The following PER2 variants were observed in gnomAD, a reference collection of about 807,000 sequenced individuals.
PER2 encodes the protein period circadian protein homolog 2.
In PER2, 66 loss-of-function variants were observed where a neutral mutation model predicts 121.0. The observed-to-expected ratio is 0.55, with a 90% CI of 0.45 to 0.67. The LOEUF is 0.67. PER2 is among the 30% of genes least tolerant of loss of function. The pLI is 0.00. For synonymous variants in PER2, 684 were observed against 659.9 expected, an observed-to-expected ratio of 1.04 and a Z score of -0.56; for missense variants, 1,521 against 1,635.0, an observed-to-expected ratio of 0.93 and a Z score of 1.20.
At chr2:238,261,036 C>T (rs935858048) in intron 12 of PER2, 83 bp from the exon 13 acceptor site, 18 of 1,534,574 alleles carry the variant, frequency 1.2e-5, no homozygotes, top group African/African-American at 1.1e-4. Context: ...CACCCTGTTT[C>T]GCAGAGAGGA....
At chr2:238,286,774 T>G (rs1038731784) in intron 1 of PER2, among the ~76,000 whole-genome samples, 3 of 152,204 alleles carry the variant, frequency 2.0e-5, no homozygotes, top group African/African-American at 7.2e-5. Flanking sequence ...CGAGTCCTGG[T>G]GAAGTTACAT....
At chr2:238,249,363 C>T (rs891631272) in intron 21 of PER2, 151 bp from the exon 22 acceptor site, 1 of 720,174 alleles carries the variant, frequency 1.4e-6, no homozygotes, top group Non-Finnish European at 2.3e-6. Context: ...CTTAATCTCC[C>T]TAGTAAAGAA....
Position 238,255,681 on chromosome 2 carries a change from A to G in PER2, c.2296T>C (p.Ser766Pro). 1 of 1,614,260 alleles carries G rather than the reference A, an allele frequency of 6.2e-7. No homozygotes were observed. The highest frequency in any genetic ancestry group is 1.1e-5 in the South Asian group (1 of 91,090). Residue 766 changes from serine to proline, a missense_variant, in exon 18 of 23, where the codon TCC becomes CCC. Transcript: ENST00000254657. ...SHCHYYLQERSKGQPSERTAP... is the reference protein window; with the variant it reads ...SHCHYYLQERPKGQPSERTAP... Reference sequence around the variant, plus strand: ...CTTCGTTCACTTGGCTGCCCCTTGGATCTTTCTTGCAAGTAGTAATGGCAG... The same window carrying G: ...CTTCGTTCACTTGGCTGCCCCTTGGGTCTTTCTTGCAAGTAGTAATGGCAG...
chr2:238,286,517 G>C (rs1463518951), intron 1 of PER2, among the ~76,000 whole-genome samples: 2 of 152,182 alleles, frequency 1.3e-5, no homozygotes, highest in Non-Finnish European at 2.9e-5. Flanking sequence ...GGGAGTGCGT[G>C]GGCTGGGGGA....
the PER2 span, chr2:238,298,364 C>T: frequency 6.6e-6 from 1 of 152,300 alleles, no homozygotes; most frequent in African/African-American, 2.4e-5. Context: ...TGTTCCCTGG[C>T]TCTGTTTTCT....
At chr2:238,280,185 C>A (rs1175628738) in intron 1 of PER2, among the ~76,000 whole-genome samples, 1 of 152,226 alleles carries the variant, frequency 6.6e-6, no homozygotes, top group African/African-American at 2.4e-5. Flanking sequence ...CGGATTCCAA[C>A]AGCTGGCCCC....
chr2:238,264,089 A>C (rs898675369), intron 9 of PER2, among the ~76,000 whole-genome samples: 8 of 152,176 alleles, frequency 5.3e-5, no homozygotes, highest in Non-Finnish European at 1.2e-4. Context: ...CAGGCCACAC[A>C]CAAGGCTTCA....
rs780298557 is a variant in PER2 at position 238,253,694 on chromosome 2, C to G, written c.2329G>C (p.Gly777Arg). 1 of 1,603,566 alleles carries G rather than the reference C, an allele frequency of 6.2e-7. No individual in the cohort carries two copies. The highest frequency in any genetic ancestry group is 8.5e-7 in the Non-Finnish European group (1 of 1,174,016). ...KGQPSERTAP[G>R]LRNTSGIDSP... ...TCTATTCCGGAAGTATTTCTTAGTC[C>G]AGGGGCAGCTAATGCAGAAAAACAA... The change falls in exon 19 of 23, where the codon GGA (glycine) becomes CGA (arginine). Residue 777 changes from glycine (G) to arginine (R), a missense_variant. Gly to Arg is a moderately radical substitution (Grantham distance 125). Transcript: ENST00000254657. This position sits in a 1 kb window ranked among gnomAD's most constrained non-coding sequence, Gnocchi z 5.6.
At chr2:238,290,287 G>A (rs975607092), upstream of PER2, among the ~76,000 whole-genome samples, 46 of 147,194 alleles carry the variant, frequency 3.1e-4, no homozygotes, top group Admixed American at 3.1e-3. Context: ...CACACTCCCC[G>A]CCCCCTCTCC....
intron 1 of PER2, among the ~76,000 whole-genome samples, chr2:238,287,744 T>C (rs1696830746): frequency 6.6e-6 from 1 of 152,164 alleles, no homozygotes. Flanking sequence ...TCTGTATGAA[T>C]CAGCTTTCCA....
At chr2:238,276,826 C>T (rs1224791043) in intron 3 of PER2, among the ~76,000 whole-genome samples, 1 of 152,162 alleles carries the variant, frequency 6.6e-6, no homozygotes, top group Non-Finnish European at 1.5e-5. Flanking sequence ...AAGTTTGTTA[C>T]AAACACCTAC....
chr2:238,265,405 T>G, intron 9 of PER2, 107 bp downstream of exon 9: 1 of 739,734 alleles, frequency 1.4e-6, no homozygotes, highest in Non-Finnish European at 2.5e-6. Context: ...TAATTACATG[T>G]TTTTGTCCAT....
chr2:238,271,622 G>T (rs1252527061), intron 5 of PER2, 109 bp from the exon 6 acceptor site: 3 of 817,132 alleles, frequency 3.7e-6, no homozygotes, highest in Non-Finnish European at 4.1e-6. Context: ...CGTTGGAGGT[G>T]GGGGGCTCTC....
At chr2:238,271,612 C>T (rs1013604177) in intron 5 of PER2, 99 bp from the exon 6 acceptor site, 19 of 883,114 alleles carry the variant, frequency 2.2e-5, no homozygotes, top group Middle Eastern at 2.6e-4. Context: ...CCACCAGGAG[C>T]GTTGGAGGTG....
chr2:238,256,661 A>C (rs1192539650), intron 17 of PER2, among the ~76,000 whole-genome samples: 3 of 152,148 alleles, frequency 2.0e-5, no homozygotes, highest in African/African-American at 7.2e-5. Context: ...CTTGCACCAC[A>C]ATCAACCCTC....
At chr2:238,255,526 G>A (rs1574842722) in intron 18 of PER2, 131 bp downstream of exon 18, 2 of 965,882 alleles carry the variant, frequency 2.1e-6, no homozygotes, top group East Asian at 2.4e-5. Context: ...TGCCAGGGAA[G>A]TTCCAACAGC....
chr2:238,249,389 T>C (rs1379667641), intron 21 of PER2, among the ~76,000 whole-genome samples, 177 bp from the exon 22 acceptor site: 1 of 152,252 alleles, frequency 6.6e-6, no homozygotes, highest in Non-Finnish European at 1.5e-5. Context: ...AGTTTTTCTA[T>C]GAAAATGATG....
Position 238,275,527 on chromosome 2 carries a change from A to G in PER2, c.448+216T>C, listed in dbSNP as rs537808244. On this transcript the variant is annotated intron_variant, in intron 4 of 22. Transcript: ENST00000254657. ...AACATAGTGAGACCCCATCTCTACA[A>G]AAAATACAAGAATTAGCTGGGCGTG... is the stretch of plus-strand genomic sequence containing the variant. 8.0e-4 allele frequency among the ~76,000 whole-genome samples: 122 copies of G among 152,326 alleles called. 1 individual carries two copies. Among genetic ancestry groups the G allele is most frequent in the African/African-American group, 2.8e-3 (118 of 41,568 alleles).
At chr2:238,270,723 C>T (rs534611165) in intron 6 of PER2, among the ~76,000 whole-genome samples, 3 of 152,206 alleles carry the variant, frequency 2.0e-5, no homozygotes, top group Non-Finnish European at 4.4e-5. Context: ...GGAGCGGAGC[C>T]TGGAAATGAG....
Sources: allele counts gnomAD v4.1 joint callset (sites outside exome capture counted in the v4.1 genomes callset), GRCh38; gene constraint gnomAD v4.1.1; non-coding constraint Gnocchi (gnomAD v3.1); transcripts MANE v1.5; gene names NCBI Gene and HGNC (gene_info 2026-07-23, HGNC 2026-07-21).